Variants in CCDC144A observed in about 807,000 individuals in gnomAD.
CCDC144A encodes coiled-coil domain-containing protein 144A.
A neutral mutation model predicts 143.8 loss-of-function variants in CCDC144A; 41 were observed. The ratio of observed to expected loss-of-function variants is 0.29; its 90% CI spans 0.22 to 0.37. CCDC144A has a LOEUF of 0.37. CCDC144A is among the 10% of genes least tolerant of loss of function. The probability of loss-of-function intolerance (pLI) is 1.00; values close to 1 mark genes in which losing one functional copy is unlikely to be tolerated. For synonymous variants in CCDC144A, 242 were observed against 517.9 expected, an observed-to-expected ratio of 0.47 and a Z score of 7.23; for missense variants, 637 against 1,488.8, an observed-to-expected ratio of 0.43 and a Z score of 9.41.
At chr17:16,741,375 C>T (rs942465549) in intron 12 of CCDC144A, among the ~76,000 whole-genome samples, 4 of 152,034 alleles carry the variant, frequency 2.6e-5, no homozygotes. Flanking sequence ...GGAACTTTAG[C>T]TGGGGCAGGT....
intron 4 of CCDC144A, among the ~76,000 whole-genome samples, chr17:16,708,192 A>G (rs1019874296): frequency 6.6e-6 from 1 of 152,196 alleles, no homozygotes; most frequent in Non-Finnish European, 1.5e-5. Flanking sequence ...CATAGTATAT[A>G]TTAGAACAGA....
intron 12 of CCDC144A, among the ~76,000 whole-genome samples, chr17:16,742,047 C>G (rs1234453044): frequency 6.6e-6 from 1 of 151,718 alleles, no homozygotes; most frequent in Admixed American, 6.6e-5. Context: ...TGAGATTGCA[C>G]CACTGCACGC....
At chr17:16,685,870 T>C (rs914251632), upstream of CCDC144A, among the ~76,000 whole-genome samples, 1 of 151,686 alleles carries the variant, frequency 6.6e-6, no homozygotes, top group African/African-American at 2.4e-5. Context: ...CTCCTTTGTT[T>C]AAGTGATTCT....
the CCDC144A span, chr17:16,683,453 C>T: frequency 4.8e-6 from 6 of 1,251,420 alleles, no homozygotes; most frequent in Non-Finnish European, 6.9e-6. Context: ...CGGCTTCTGT[C>T]CCTGGCGGCA....
intron 2 of CCDC144A, among the ~76,000 whole-genome samples, chr17:16,700,320 G>C (rs1027303495): frequency 1.6e-4 from 25 of 152,206 alleles, no homozygotes; most frequent in Middle Eastern, 3.4e-3. Flanking sequence ...AGTTTCATTA[G>C]AGGCTCAGCA....
intron 12 of CCDC144A, among the ~76,000 whole-genome samples, chr17:16,742,504 T>C (rs1373680190): frequency 6.6e-6 from 1 of 152,188 alleles, no homozygotes; most frequent in African/African-American, 2.4e-5. Context: ...TTGGTTGTTG[T>C]GAATAGTGCT....
chr17:16,678,028 C>A, the CCDC144A span, among the ~76,000 whole-genome samples: 1 of 151,998 alleles, frequency 6.6e-6, no homozygotes, highest in Admixed American at 6.6e-5. Flanking sequence ...ACACTCTACT[C>A]AGAATGAATT....
chr17:16,685,936 T>A (rs1910760575), upstream of CCDC144A, among the ~76,000 whole-genome samples: 2 of 143,608 alleles, frequency 1.4e-5, no homozygotes, highest in African/African-American at 2.7e-5. Context: ...CACATCTGGC[T>A]ATTTTTTTTT....
chr17:16,700,702 C>T (rs1445635175), intron 2 of CCDC144A, among the ~76,000 whole-genome samples: 1 of 152,146 alleles, frequency 6.6e-6, no homozygotes, highest in Non-Finnish European at 1.5e-5. Context: ...GTACTGGTTT[C>T]AGTTGCATCA....
upstream of CCDC144A, among the ~76,000 whole-genome samples, chr17:16,688,064 T>G (rs551177159): frequency 6.6e-6 from 1 of 151,832 alleles, no homozygotes; most frequent in Non-Finnish European, 1.5e-5. Context: ...GACTGTAATA[T>G]TTCTAATAAA....
chr17:16,760,144 C>T (rs1442912816), intron 12 of CCDC144A, among the ~76,000 whole-genome samples: 3 of 152,066 alleles, frequency 2.0e-5, no homozygotes, highest in Non-Finnish European at 4.4e-5. Flanking sequence ...CAGGTAGAAG[C>T]TGTGTGACTT....
chr17:16,717,047 C>T (rs1478799138), intron 6 of CCDC144A, among the ~76,000 whole-genome samples: 6 of 151,422 alleles, frequency 4.0e-5, no homozygotes, highest in Admixed American at 2.6e-4. Context: ...ATGATCCGCC[C>T]GCCTCGGCCT....
chr17:16,669,577 C>A, the CCDC144A span, among the ~76,000 whole-genome samples: 5 of 152,128 alleles, frequency 3.3e-5, no homozygotes, highest in Non-Finnish European at 7.4e-5. Flanking sequence ...TGTCTATGTA[C>A]GAAATATGCT....
chr17:16,671,964 C>T, the CCDC144A span, among the ~76,000 whole-genome samples: 2 of 152,026 alleles, frequency 1.3e-5, no homozygotes, highest in African/African-American at 4.8e-5. Flanking sequence ...AAATAATTTT[C>T]AAGTACAGTT....
chr17:16,766,126 G>A (rs1915584546), intron 15 of CCDC144A: 1 of 152,388 alleles, frequency 6.6e-6, no homozygotes, highest in Admixed American at 6.5e-5. Flanking sequence ...CTCTGGAAAG[G>A]CGGGACAATT....
rs1405321241 is a variant in CCDC144A, at chr17:16,726,104, C to T, written c.1892-1423C>T. On this transcript the variant is annotated intron_variant, in intron 8 of 16. Coordinates refer to ENST00000399273, the MANE Select transcript of CCDC144A (RefSeq NM_001382000.1). ...TTTAAAGAAAAATCTTCCGGCCGGG[C>T]GCGGTGGCTCAAGCCTGTAATCCCA... is the stretch of plus-strand genomic sequence containing the variant. Among the ~76,000 whole-genome samples, 28 of 152,142 alleles carry T rather than the reference C, an allele frequency of 1.8e-4. No homozygotes were observed. The East Asian group carries it at 4.5e-3, about 24-fold the overall frequency.
intron 5 of CCDC144A, 141 bp from the exon 6 acceptor site, chr17:16,711,538 A>G (rs1279304752): frequency 8.6e-6 from 9 of 1,049,264 alleles, no homozygotes; most frequent in Admixed American, 2.6e-5. Context: ...TGATAAAATT[A>G]AAGTAAGCAC....
At chr17:16,708,478 T>C (rs572200561) in intron 4 of CCDC144A, among the ~76,000 whole-genome samples, 3 of 152,272 alleles carry the variant, frequency 2.0e-5, no homozygotes, top group Admixed American at 1.3e-4. Context: ...AATTCATTTT[T>C]GGTAGATTTA....
At chr17:16,753,647 T>G (rs2143331371) in intron 12 of CCDC144A, among the ~76,000 whole-genome samples, 1 of 152,298 alleles carries the variant, frequency 6.6e-6, no homozygotes, top group South Asian at 2.1e-4. Context: ...TGCTGAATTC[T>G]TTAGTTCTAA....
Sources: allele counts gnomAD v4.1 joint callset (sites outside exome capture counted in the v4.1 genomes callset), GRCh38; gene constraint gnomAD v4.1.1; transcripts MANE v1.5; gene names NCBI Gene and HGNC (gene_info 2026-07-23, HGNC 2026-07-21).